Variants in MARCHF1 observed in about 807,000 individuals in gnomAD.
MARCHF1 encodes the protein E3 ubiquitin-protein ligase MARCHF1.
In MARCHF1, 40 loss-of-function variants were observed where a neutral mutation model predicts 54.2. That is an observed-to-expected ratio of 0.74 (90% CI 0.57 to 0.96). MARCHF1 has a LOEUF of 0.96. MARCHF1 is among the 40% of genes least tolerant of loss of function. MARCHF1 has a pLI of 0.00. For synonymous variants in MARCHF1, 236 were observed against 236.3 expected, an observed-to-expected ratio of 1.00 and a Z score of 0.01; for missense variants, 586 against 656.5, an observed-to-expected ratio of 0.89 and a Z score of 1.17.
At chr4:164,336,826 C>T (rs11736067) in intron 1 of MARCHF1, among the ~76,000 whole-genome samples, 57,878 of 152,006 alleles carry the variant, frequency 0.38, 12,584 homozygotes, top group Non-Finnish European at 0.49. Context: ...AAAAACCTTT[C>T]TCTCCTACAA....
chr4:163,958,984 T>C (rs905905735), intron 3 of MARCHF1, among the ~76,000 whole-genome samples: 1 of 151,848 alleles, frequency 6.6e-6, no homozygotes, highest in Non-Finnish European at 1.5e-5. Flanking sequence ...ATTAGAGACA[T>C]TTAGAAAAAT....
chr4:163,780,993 C>A (rs1239933163), intron 4 of MARCHF1, among the ~76,000 whole-genome samples: 1 of 152,082 alleles, frequency 6.6e-6, no homozygotes, highest in Non-Finnish European at 1.5e-5. Flanking sequence ...CTGCAGGGAT[C>A]AACATGCTGA....
intron 1 of MARCHF1, among the ~76,000 whole-genome samples, chr4:164,348,362 T>C (rs761786459): frequency 2.0e-5 from 3 of 152,198 alleles, no homozygotes; most frequent in Non-Finnish European, 4.4e-5. Context: ...ACAATATTTA[T>C]TTAATTTTTA....
At chr4:164,021,672 TGGTG>T (rs1305259654) in intron 2 of MARCHF1, among the ~76,000 whole-genome samples, 4 of 151,910 alleles carry the variant, frequency 2.6e-5, no homozygotes, top group African/African-American at 9.7e-5. Flanking sequence ...CTGGCCAACA[TGGTG>T]AAACCCTGTC....
intron 3 of MARCHF1, among the ~76,000 whole-genome samples, chr4:163,985,553 T>C (rs988161267): frequency 6.6e-6 from 1 of 152,188 alleles, no homozygotes; most frequent in African/African-American, 2.4e-5. Context: ...TTTAGAAATA[T>C]TTTCTTGATA....
chr4:163,966,395 T>C (rs79808881), intron 3 of MARCHF1, among the ~76,000 whole-genome samples: 1,882 of 152,148 alleles, frequency 0.012, 43 homozygotes, highest in African/African-American at 0.043. Context: ...GAGCATCCAA[T>C]TTCACAGTGT....
At chr4:163,883,372 A>G (rs1311437453) in intron 3 of MARCHF1, among the ~76,000 whole-genome samples, 2 of 146,840 alleles carry the variant, frequency 1.4e-5, no homozygotes, top group Non-Finnish European at 3.0e-5. Flanking sequence ...TGCCCTCTAC[A>G]TATGAAGAAA....
At chr4:164,072,175 C>T (rs1754881050) in intron 2 of MARCHF1, among the ~76,000 whole-genome samples, 1 of 152,166 alleles carries the variant, frequency 6.6e-6, no homozygotes, top group African/African-American at 2.4e-5. Flanking sequence ...GAGAGTAACA[C>T]AGAAACTGCC....
intron 2 of MARCHF1, among the ~76,000 whole-genome samples, chr4:164,096,298 A>C (rs767156010): frequency 3.3e-5 from 5 of 152,140 alleles, no homozygotes; most frequent in Non-Finnish European, 7.4e-5. Flanking sequence ...CATTATCCTA[A>C]GCAAACTAAC....
chr4:164,012,447 G>C (rs1457617060), intron 2 of MARCHF1, among the ~76,000 whole-genome samples: 1 of 152,118 alleles, frequency 6.6e-6, no homozygotes, highest in Non-Finnish European at 1.5e-5. Context: ...TTGGTCAGAA[G>C]GGATTCCATT....
At chr4:164,296,810 T>C (rs58950748) in intron 1 of MARCHF1, among the ~76,000 whole-genome samples, 4,819 of 152,284 alleles carry the variant, frequency 0.032, 247 homozygotes, top group African/African-American at 0.11. Context: ...CTTATGTTCA[T>C]GGCCCAAACA....
Position 163,959,570 on chromosome 4 carries a change from C to G in MARCHF1, c.-39+28931G>C, listed in dbSNP as rs553225890. ...ACAAAAACAAGCAATGGAGAAAAGA[C>G]TCCCTAGTCAATAAATGGTGTTAGG... On this transcript the variant is annotated intron_variant, in intron 3 of 9. Coordinates refer to ENST00000514618, the MANE Select transcript of MARCHF1 (RefSeq NM_001394959.1). Among the ~76,000 whole-genome samples, 8 of 151,878 alleles carry G rather than the reference C, an allele frequency of 5.3e-5. No individual in the cohort carries two copies. The South Asian group carries it at 1.7e-3, about 31-fold the overall frequency.
intron 1 of MARCHF1, among the ~76,000 whole-genome samples, chr4:164,377,968 T>G (rs1307369351): frequency 6.6e-6 from 1 of 152,226 alleles, no homozygotes; most frequent in African/African-American, 2.4e-5. Context: ...CATCTATGTT[T>G]ATTATCAGTT....
At chr4:163,956,917 G>C (rs192639535) in intron 3 of MARCHF1, among the ~76,000 whole-genome samples, 1 of 152,050 alleles carries the variant, frequency 6.6e-6, no homozygotes, top group Admixed American at 6.5e-5. Flanking sequence ...AGTCCCTATG[G>C]CTAACCCATC....
At chr4:163,822,044 TAA>T (rs1474623099) in intron 4 of MARCHF1, among the ~76,000 whole-genome samples, 3 of 152,014 alleles carry the variant, frequency 2.0e-5, no homozygotes, top group East Asian at 1.9e-4. Flanking sequence ...ATGATTTTGT[TAA>T]GTTTTGCCAA....
chr4:163,719,771 C>A (rs1745384630), intron 4 of MARCHF1, among the ~76,000 whole-genome samples: 1 of 152,160 alleles, frequency 6.6e-6, no homozygotes, highest in African/African-American at 2.4e-5. Flanking sequence ...TTACATTTCT[C>A]TGATGGCCAG....
chr4:164,154,512 C>A (rs1730025484), intron 1 of MARCHF1, among the ~76,000 whole-genome samples: 1 of 152,168 alleles, frequency 6.6e-6, no homozygotes, highest in Non-Finnish European at 1.5e-5. Flanking sequence ...CAGGAGAGTT[C>A]CCTGACCCCC....
chr4:164,131,287 A>C (rs1051117185), intron 1 of MARCHF1, among the ~76,000 whole-genome samples: 1 of 152,136 alleles, frequency 6.6e-6, no homozygotes, highest in Non-Finnish European at 1.5e-5. Context: ...GAGCAGAAGG[A>C]AGGAAGCTAA....
intron 1 of MARCHF1, among the ~76,000 whole-genome samples, chr4:164,274,440 A>G (rs1034961333): frequency 6.6e-6 from 1 of 152,040 alleles, no homozygotes; most frequent in Non-Finnish European, 1.5e-5. Context: ...ATTTTTCTTA[A>G]TAAGAGGAAT....
Sources: allele counts gnomAD v4.1 joint callset (sites outside exome capture counted in the v4.1 genomes callset), GRCh38; gene constraint gnomAD v4.1.1; transcripts MANE v1.5; gene names NCBI Gene and HGNC (gene_info 2026-07-23, HGNC 2026-07-21).